The following TSHR variants were observed in gnomAD, a reference collection of about 807,000 sequenced individuals.
TSHR encodes thyrotropin receptor.
A neutral mutation model predicts 64.1 loss-of-function variants in TSHR; 51 were observed. The observed-to-expected ratio is 0.80, with a 90% CI of 0.64 to 1.01. The LOEUF (loss-of-function observed/expected upper bound fraction) is 1.01, where lower values mean the gene tolerates loss of function less well. Ranked by LOEUF, TSHR falls within the 50% of genes least tolerant of loss-of-function variation. TSHR has a pLI of 0.00. For missense variants in TSHR, 877 were observed against 942.8 expected (o/e 0.93, Z 0.91); for synonymous variants, 361 against 361.9 (o/e 1.00, Z 0.03).
At position 80,978,729 on chromosome 14, in the gene TSHR, G is replaced by A. The variant is rs187670845; in HGVS notation, c.170+22879G>A. On this transcript the variant is annotated intron_variant, in intron 1 of 9. Coordinates refer to ENST00000298171, the MANE Select transcript of TSHR (RefSeq NM_000369.5). Reference sequence around the variant, plus strand: ...CAGTTACACAGAAAGCTGTTTCCTGGAGGGAGATCTGAGTGGTGCATCTCT... The same window carrying A: ...CAGTTACACAGAAAGCTGTTTCCTGAAGGGAGATCTGAGTGGTGCATCTCT... Among the ~76,000 whole-genome samples, 404 of 152,284 alleles carry A rather than the reference G, an allele frequency of 2.7e-3. 1 individual carries two copies. The highest frequency in any genetic ancestry group is 6.8e-3 in the Middle Eastern group (2 of 294).
chr14:81,146,163 T>C lies in TSHR; in HGVS notation c.*1810T>C. On this transcript the variant is annotated 3_prime_UTR_variant, in exon 10 of 10. Transcript: ENST00000298171. The stretch of plus-strand genomic sequence containing the variant: ...TGTGACATTTCAAAATATCACATCT[T>C]GATAAATAATGTGTTTCATCTTGAA... The C allele has an allele frequency of 4.4e-6, 1 of 225,798 alleles. No homozygotes were observed. Among genetic ancestry groups the C allele is most frequent in the African/African-American group, 2.2e-5 (1 of 45,098 alleles). The allele number at this position is 225,798 out of a possible 1,614,324, so 14.0% of individuals were successfully genotyped here. A position where few individuals can be genotyped will look rare whatever the true frequency, so the allele number is the denominator to read the frequency against.
chr14:81,054,937 T>C (rs1346599458), intron 1 of TSHR, among the ~76,000 whole-genome samples: 1 of 152,072 alleles, frequency 6.6e-6, no homozygotes, highest in Non-Finnish European at 1.5e-5. Context: ...GCATAAGTAA[T>C]GAGGAGCTGA....
At chr14:81,098,307 G>A (rs1889348032) in intron 7 of TSHR, among the ~76,000 whole-genome samples, 1 of 152,152 alleles carries the variant, frequency 6.6e-6, no homozygotes, top group African/African-American at 2.4e-5. Flanking sequence ...CTTCTTTGGA[G>A]ATACAAGCTA....
intron 2 of TSHR, among the ~76,000 whole-genome samples, chr14:81,063,712 C>T (rs1050289371): frequency 2.0e-5 from 3 of 152,128 alleles, no homozygotes; most frequent in Admixed American, 6.6e-5. Context: ...CCGTACACAG[C>T]AGTAGACAAA....
chr14:81,084,483 T>G (rs1888138910), intron 3 of TSHR, among the ~76,000 whole-genome samples: 1 of 152,146 alleles, frequency 6.6e-6, no homozygotes, highest in Non-Finnish European at 1.5e-5. Context: ...GCTTATTAGT[T>G]TGGGTAGGTG....
At chr14:81,122,954 C>T (rs1022943025) in intron 8 of TSHR, among the ~76,000 whole-genome samples, 2 of 151,864 alleles carry the variant, frequency 1.3e-5, no homozygotes. Context: ...GGTGAAACGC[C>T]GTCTCTACTG....
chr14:81,137,760 C>T (rs1009222129), intron 8 of TSHR, among the ~76,000 whole-genome samples: 1 of 152,212 alleles, frequency 6.6e-6, no homozygotes, highest in African/African-American at 2.4e-5. Flanking sequence ...TAATTACTAA[C>T]ATGTTTTCTC....
chr14:81,036,886 T>C (rs1338555160), intron 1 of TSHR, among the ~76,000 whole-genome samples: 1 of 152,170 alleles, frequency 6.6e-6, no homozygotes, highest in Non-Finnish European at 1.5e-5. Flanking sequence ...CTCATGCCTG[T>C]AATCCCAACA....
rs1595176743 is a variant in TSHR at position 81,142,837 on chromosome 14, T to C, written c.882-103T>C. 27 of 1,005,388 alleles carry C rather than the reference T, an allele frequency of 2.7e-5. No homozygotes were observed. In the East Asian group the frequency reaches 6.2e-4, roughly 23 times the overall value. The allele number at this position is 1,005,388 out of a possible 1,614,324, so 62.3% of individuals were successfully genotyped here. On this transcript the variant is annotated intron_variant, in intron 9 of 9. Transcript: ENST00000298171. ...GTTGCCCAGGCTGGTCTCAAACTCC[T>C]AGGCTCAAGCAATCCACCTGCCTTG...
chr14:81,009,322 A>G (rs1889785576), intron 1 of TSHR, among the ~76,000 whole-genome samples: 2 of 152,198 alleles, frequency 1.3e-5, no homozygotes, highest in African/African-American at 2.4e-5. Context: ...TGATTCATAT[A>G]CTGGCTACAC....
At chr14:81,026,144 A>C (rs1884038501) in intron 1 of TSHR, among the ~76,000 whole-genome samples, 1 of 152,244 alleles carries the variant, frequency 6.6e-6, no homozygotes, top group South Asian at 2.1e-4. Context: ...AATGATAAGC[A>C]GCTTGAGGCT....
At chr14:80,972,531 T>G (rs1478500773) in intron 1 of TSHR, among the ~76,000 whole-genome samples, 1 of 152,202 alleles carries the variant, frequency 6.6e-6, no homozygotes, top group East Asian at 1.9e-4. Context: ...AAGCTCCTTC[T>G]ACTATTCCAT....
intron 1 of TSHR, among the ~76,000 whole-genome samples, chr14:81,019,784 T>C (rs1328639973): frequency 6.6e-6 from 1 of 152,188 alleles, no homozygotes; most frequent in Non-Finnish European, 1.5e-5. Context: ...ACAAAGGACA[T>C]GAACTCATCC....
At chr14:80,988,842 T>A (rs1305587776) in intron 1 of TSHR, among the ~76,000 whole-genome samples, 2 of 152,222 alleles carry the variant, frequency 1.3e-5, no homozygotes, top group African/African-American at 4.8e-5. Context: ...TTTTTCTGAC[T>A]GTTTAATGTG....
chr14:81,037,754 T>C (rs1004393327), intron 1 of TSHR, among the ~76,000 whole-genome samples: 1 of 151,910 alleles, frequency 6.6e-6, no homozygotes, highest in Non-Finnish European at 1.5e-5. Context: ...AAATCTATAC[T>C]AAAGGGGTCA....
rs549513735 is a variant in TSHR at position 81,083,221 on chromosome 14, T to C, written c.318-4733T>C. Among the ~76,000 whole-genome samples, 21 of 152,300 alleles carry C rather than the reference T, an allele frequency of 1.4e-4. No individual in the cohort carries two copies. The South Asian group carries it at 3.7e-3, about 27-fold the overall frequency. ...GAAAGCCAGATGTCCTGTGCTACGC[T>C]TTTATTGAGAATTAATCAATGTTTC... On this transcript the variant is annotated intron_variant, in intron 3 of 9. Transcript: ENST00000298171.
chr14:80,974,450 G>A (rs1287179641), intron 1 of TSHR, among the ~76,000 whole-genome samples: 1 of 152,126 alleles, frequency 6.6e-6, no homozygotes, highest in Non-Finnish European at 1.5e-5. Context: ...GTCAGAGTTT[G>A]GCTGAAAATC....
At chr14:81,080,572 CTCT>C (rs10558087) in intron 3 of TSHR, among the ~76,000 whole-genome samples, 5,461 of 152,174 alleles carry the variant, frequency 0.036, 307 homozygotes, top group African/African-American at 0.12. Context: ...TCCTCAATAT[CTCT>C]TATTTTTAAT....
chr14:81,141,504 T>G (rs1357114811), intron 9 of TSHR, among the ~76,000 whole-genome samples: 9 of 152,242 alleles, frequency 5.9e-5, no homozygotes, highest in Non-Finnish European at 1.3e-4. Flanking sequence ...CATTTGTTCA[T>G]TTGTTAAACA....
Sources: gnomAD v4.1 joint callset for allele counts (sites outside exome capture counted in the v4.1 genomes callset) on GRCh38, gnomAD v4.1.1 for gene constraint, MANE v1.5 for transcripts, NCBI Gene and HGNC (gene_info 2026-07-23, HGNC 2026-07-21) for gene names.